Variants in CRACD observed in about 807,000 individuals in gnomAD.
CRACD encodes capping protein-inhibiting regulator of actin dynamics.
In CRACD, 56 loss-of-function variants were observed where a neutral mutation model predicts 106.8. The ratio of observed to expected loss-of-function variants is 0.52; its 90% CI spans 0.42 to 0.66. The LOEUF (loss-of-function observed/expected upper bound fraction) is 0.66. CRACD is among the 30% of genes least tolerant of loss of function. CRACD has a pLI of 0.00. For missense variants in CRACD, 1,730 were observed against 1,623.2 expected (o/e 1.07, Z -1.13); for synonymous variants, 754 against 670.8 (o/e 1.12, Z -1.92).
chr4:56,100,173 G>C (rs1733732215), intron 1 of CRACD, among the ~76,000 whole-genome samples: 1 of 152,124 alleles, frequency 6.6e-6, no homozygotes, highest in Non-Finnish European at 1.5e-5. Flanking sequence ...AACTCGGGAA[G>C]CGGAGGTTGC....
intron 2 of CRACD, among the ~76,000 whole-genome samples, chr4:56,234,665 T>TA (rs1739856817): frequency 1.3e-5 from 2 of 152,252 alleles, no homozygotes; most frequent in African/African-American, 4.8e-5. Flanking sequence ...CAAGAATGGT[T>TA]AAAGAGCCAG....
intron 2 of CRACD, among the ~76,000 whole-genome samples, chr4:56,249,580 A>G (rs1282816756): frequency 6.6e-6 from 1 of 152,150 alleles, no homozygotes; most frequent in East Asian, 1.9e-4. Context: ...CAGGCAATAA[A>G]TCTTACCAGA....
At chr4:56,176,025 T>A (rs1736569034) in intron 1 of CRACD, among the ~76,000 whole-genome samples, 2 of 152,208 alleles carry the variant, frequency 1.3e-5, no homozygotes, top group Admixed American at 1.3e-4. Context: ...CATCATTTAT[T>A]GAAGAGACTG....
At chr4:56,197,495 T>A (rs1450116589) in intron 2 of CRACD, among the ~76,000 whole-genome samples, 1 of 151,790 alleles carries the variant, frequency 6.6e-6, no homozygotes, top group Non-Finnish European at 1.5e-5. Flanking sequence ...ACCAAACTTC[T>A]CTTTCTTCCC....
intron 2 of CRACD, among the ~76,000 whole-genome samples, chr4:56,190,158 T>C (rs1486816923): frequency 6.6e-6 from 1 of 152,004 alleles, no homozygotes; most frequent in East Asian, 1.9e-4. Context: ...CTCATCATTT[T>C]TTATGGCTGC....
intron 2 of CRACD, among the ~76,000 whole-genome samples, chr4:56,232,086 G>A (rs1376190784): frequency 6.6e-6 from 1 of 152,176 alleles, no homozygotes; most frequent in East Asian, 1.9e-4. Context: ...CATATGTACA[G>A]TAATTCCGCC....
intron 1 of CRACD, among the ~76,000 whole-genome samples, chr4:56,057,540 G>T (rs1732117413): frequency 6.6e-6 from 1 of 151,774 alleles, no homozygotes; most frequent in Admixed American, 6.6e-5. Context: ...TAACAGTTGT[G>T]ACAGGGGTAA....
intron 10 of CRACD, among the ~76,000 whole-genome samples, chr4:56,325,340 A>C (rs1254585721): frequency 6.6e-6 from 1 of 152,184 alleles, no homozygotes; most frequent in African/African-American, 2.4e-5. Context: ...AACAACAAAA[A>C]CAGAAAAGAT....
At chr4:56,068,217 G>T (rs891332484) in intron 1 of CRACD, among the ~76,000 whole-genome samples, 8 of 152,318 alleles carry the variant, frequency 5.3e-5, no homozygotes, top group African/African-American at 1.9e-4. Context: ...GCAGGCAGTA[G>T]AAGAGCAAGA....
chr4:56,148,931 T>C (rs1157581076), intron 1 of CRACD, among the ~76,000 whole-genome samples: 2 of 151,952 alleles, frequency 1.3e-5, no homozygotes, highest in Non-Finnish European at 2.9e-5. Flanking sequence ...TTCTCCTGCC[T>C]CAACCTCCCA....
At chr4:56,319,585 C>G (rs2109788384) in intron 8 of CRACD, among the ~76,000 whole-genome samples, 1 of 150,296 alleles carries the variant, frequency 6.7e-6, no homozygotes, top group South Asian at 2.1e-4. Flanking sequence ...ACCTGGGTGA[C>G]AGAGTGAGAC....
At chr4:56,221,752 G>A (rs1739048416) in intron 2 of CRACD, among the ~76,000 whole-genome samples, 1 of 152,058 alleles carries the variant, frequency 6.6e-6, no homozygotes, top group African/African-American at 2.4e-5. Flanking sequence ...CTCAAAAGAG[G>A]ATGTACAAAT....
At position 56,252,353 on chromosome 4, in the gene CRACD, A is replaced by AT. The variant is rs1226911540; in HGVS notation, c.-188-19959dup. ...ATAACTCCATCGGCTGCTACCAGGG[A>AT]TTTTTTTTTCCCCTAACAGGCTCCA... On this transcript the variant is annotated intron_variant, in intron 2 of 10. Transcript: ENST00000682029. Among the ~76,000 whole-genome samples the AT allele has an allele frequency of 1.9e-4, 29 of 151,894 alleles. No individual in the cohort carries two copies. The East Asian group carries it at 4.3e-3, about 22-fold the overall frequency.
intron 1 of CRACD, among the ~76,000 whole-genome samples, chr4:56,071,551 G>A (rs1233204164): frequency 6.7e-6 from 1 of 150,096 alleles, no homozygotes; most frequent in African/African-American, 2.5e-5. Flanking sequence ...CTGTTGCCCA[G>A]GCTGGAGTGC....
At chr4:56,184,020 GA>G (rs1392566187) in intron 2 of CRACD, among the ~76,000 whole-genome samples, 1 of 151,990 alleles carries the variant, frequency 6.6e-6, no homozygotes, top group African/African-American at 2.4e-5. Flanking sequence ...TAAAGAAGGG[GA>G]AAAAAAGCTG....
intron 3 of CRACD, among the ~76,000 whole-genome samples, chr4:56,295,334 T>C (rs1427257726): frequency 6.6e-6 from 1 of 152,090 alleles, no homozygotes; most frequent in Non-Finnish European, 1.5e-5. Context: ...ATCACAAGTG[T>C]CCAATAAAAT....
At chr4:56,184,550 C>T (rs745309273) in intron 2 of CRACD, among the ~76,000 whole-genome samples, 2 of 152,312 alleles carry the variant, frequency 1.3e-5, no homozygotes, top group East Asian at 3.9e-4. Context: ...CAGGTCTCCT[C>T]GATTGCCTTT....
At chr4:56,210,590 A>T (rs974931389) in intron 2 of CRACD, among the ~76,000 whole-genome samples, 1 of 152,266 alleles carries the variant, frequency 6.6e-6, no homozygotes. Flanking sequence ...CTCAAAGCAC[A>T]GAACTTAGAT....
chr4:56,311,134 G>T, intron 6 of CRACD: 1 of 171,282 alleles, frequency 5.8e-6, no homozygotes, highest in South Asian at 1.4e-4. Context: ...AAGCACTTTA[G>T]CATTTCTCTA....
Sources: allele counts gnomAD v4.1 joint callset (sites outside exome capture counted in the v4.1 genomes callset), GRCh38; gene constraint gnomAD v4.1.1; transcripts MANE v1.5; gene names NCBI Gene and HGNC (gene_info 2026-07-23, HGNC 2026-07-21).